The following MSRB3 variants were observed in gnomAD, a reference collection of about 807,000 sequenced individuals.
MSRB3 encodes the protein methionine-R-sulfoxide reductase B3.
Under a neutral mutation model 21.0 loss-of-function variants are expected in MSRB3, and 13 were observed. The observed-to-expected ratio is 0.62, with a 90% CI of 0.40 to 0.98. MSRB3 has a LOEUF of 0.98. Among genes scored for constraint, MSRB3 ranks in the 50% least tolerant of loss-of-function variants. MSRB3 has a pLI of 0.00. For missense variants in MSRB3, 199 were observed against 230.3 expected, an observed-to-expected ratio of 0.86 and a Z score of 0.88; for synonymous variants, 87 against 88.6, an observed-to-expected ratio of 0.98 and a Z score of 0.10.
At chr12:65,381,155 A>C (rs1264751810) in intron 5 of MSRB3, among the ~76,000 whole-genome samples, 1 of 152,230 alleles carries the variant, frequency 6.6e-6, no homozygotes, top group African/African-American at 2.4e-5. Context: ...GATAAGGAAG[A>C]GTTAACTGGT....
intron 4 of MSRB3, among the ~76,000 whole-genome samples, chr12:65,342,881 A>G (rs1876235584): frequency 6.6e-6 from 1 of 152,084 alleles, no homozygotes; most frequent in Non-Finnish European, 1.5e-5. Context: ...AAATATGCAT[A>G]CCTATAAATA....
intron 5 of MSRB3, among the ~76,000 whole-genome samples, chr12:65,416,211 C>T (rs1193460261): frequency 6.6e-6 from 1 of 152,192 alleles, no homozygotes; most frequent in Non-Finnish European, 1.5e-5. Context: ...AAATCAACAC[C>T]TGGGGAAATG....
At chr12:65,366,680 A>T (rs1330421315) in intron 4 of MSRB3, among the ~76,000 whole-genome samples, 1 of 152,194 alleles carries the variant, frequency 6.6e-6, no homozygotes, top group African/African-American at 2.4e-5. Context: ...ATCATTTTTG[A>T]TGAGTGCCAT....
chr12:65,313,613 A>G (rs940649390), intron 2 of MSRB3, among the ~76,000 whole-genome samples: 3 of 152,106 alleles, frequency 2.0e-5, no homozygotes, highest in Non-Finnish European at 4.4e-5. Context: ...AAAGATGCAC[A>G]TGAACCCAAT....
chr12:65,283,544 A>G (rs895748730), intron 1 of MSRB3: 10 of 151,164 alleles, frequency 6.6e-5, no homozygotes, highest in African/African-American at 2.4e-4. Flanking sequence ...TGATTCTCCC[A>G]CTCCAGCCTT....
At chr12:65,365,735 C>T (rs1877973366) in intron 4 of MSRB3, among the ~76,000 whole-genome samples, 1 of 152,098 alleles carries the variant, frequency 6.6e-6, no homozygotes, top group Admixed American at 6.5e-5. Flanking sequence ...AAAGGATATA[C>T]CAACCTATCT....
chr12:65,375,784 G>T (rs1297725288), intron 5 of MSRB3, among the ~76,000 whole-genome samples: 1 of 151,876 alleles, frequency 6.6e-6, no homozygotes, highest in Non-Finnish European at 1.5e-5. Context: ...TTTTGGACAT[G>T]ATAGTTACTT....
chr12:65,460,351 C>A (rs1015805891), intron 6 of MSRB3, among the ~76,000 whole-genome samples: 1 of 152,204 alleles, frequency 6.6e-6, no homozygotes, highest in African/African-American at 2.4e-5. Flanking sequence ...CAGGGAGGAG[C>A]CTTCAAGGCT....
chr12:65,393,805 C>A (rs571129073), intron 5 of MSRB3, among the ~76,000 whole-genome samples: 1 of 152,042 alleles, frequency 6.6e-6, no homozygotes, highest in African/African-American at 2.4e-5. Flanking sequence ...CTCCCGTAAT[C>A]CTATGACTCA....
intron 5 of MSRB3, among the ~76,000 whole-genome samples, chr12:65,406,857 T>A (rs1452471884): frequency 6.6e-6 from 1 of 152,174 alleles, no homozygotes; most frequent in Admixed American, 6.5e-5. Flanking sequence ...GCTAGGTCCA[T>A]TTTGCCTTTT....
At chr12:65,454,999 C>T (rs938411946) in intron 6 of MSRB3, among the ~76,000 whole-genome samples, 1 of 152,128 alleles carries the variant, frequency 6.6e-6, no homozygotes, top group Non-Finnish European at 1.5e-5. Flanking sequence ...GTTATTGACA[C>T]CACAGGGTAT....
intron 4 of MSRB3, among the ~76,000 whole-genome samples, chr12:65,343,825 A>G (rs1197324169): frequency 6.6e-6 from 1 of 152,004 alleles, no homozygotes; most frequent in Non-Finnish European, 1.5e-5. Context: ...GTAATTCACC[A>G]TCTGGTAGCT....
intron 1 of MSRB3, among the ~76,000 whole-genome samples, chr12:65,292,150 C>G (rs1872700114): frequency 6.6e-6 from 1 of 152,168 alleles, no homozygotes; most frequent in African/African-American, 2.4e-5. Context: ...TATCATTGAG[C>G]CCAGTGAGCT....
At chr12:65,450,745 A>G (rs1592649143) in intron 5 of MSRB3, among the ~76,000 whole-genome samples, 1 of 152,176 alleles carries the variant, frequency 6.6e-6, no homozygotes, top group East Asian at 1.9e-4. Context: ...CAAGACGCAG[A>G]TTGCTTTAGT....
chr12:65,407,058 G>A (rs1015150849), intron 5 of MSRB3, among the ~76,000 whole-genome samples: 7 of 152,040 alleles, frequency 4.6e-5, no homozygotes, highest in African/African-American at 1.7e-4. Flanking sequence ...AGTGGGAATG[G>A]GCTAAGACAC....
intron 5 of MSRB3, among the ~76,000 whole-genome samples, chr12:65,448,379 C>G (rs1346462789): frequency 6.6e-6 from 1 of 151,984 alleles, no homozygotes; most frequent in Non-Finnish European, 1.5e-5. Flanking sequence ...CATTCTAGTT[C>G]AAGAGGCAGA....
intron 5 of MSRB3, among the ~76,000 whole-genome samples, chr12:65,450,165 C>T (rs1386188226): frequency 3.3e-5 from 5 of 151,854 alleles, no homozygotes; most frequent in South Asian, 4.2e-4. Context: ...GCACCAAAGA[C>T]GCTACAACAA....
At chr12:65,415,426 C>T (rs548104358) in intron 5 of MSRB3, among the ~76,000 whole-genome samples, 1 of 152,130 alleles carries the variant, frequency 6.6e-6, no homozygotes, top group African/African-American at 2.4e-5. Context: ...GCCATAGACT[C>T]TTGAAGTTTG....
chr12:65,368,915 C>A, intron 4 of MSRB3, 83 bp from the exon 5 acceptor site: 1 of 680,916 alleles, frequency 1.5e-6, no homozygotes. Flanking sequence ...ACCTCCCCTC[C>A]CAACCACACC....
Sources: allele counts gnomAD v4.1 joint callset (sites outside exome capture counted in the v4.1 genomes callset), GRCh38; gene constraint gnomAD v4.1.1; transcripts MANE v1.5; gene names NCBI Gene and HGNC (gene_info 2026-07-23, HGNC 2026-07-21).